The following SPG7 variants were observed in gnomAD, a reference collection of about 807,000 sequenced individuals.
The protein encoded by SPG7 is mitochondrial inner membrane m-AAA protease component paraplegin.
Under a neutral mutation model 81.9 loss-of-function variants are expected in SPG7, and 103 were observed. That is an observed-to-expected ratio of 1.26 (90% CI 1.07 to 1.48). SPG7 has a LOEUF of 1.48. SPG7 is among the 40% of genes most tolerant of loss of function. The probability of loss-of-function intolerance (pLI) is 0.00; values close to 1 mark genes in which losing one functional copy is unlikely to be tolerated. For synonymous variants in SPG7, 534 were observed against 444.2 expected, an observed-to-expected ratio of 1.20 and a Z score of -2.54; for missense variants, 1,241 against 1,087.3, an observed-to-expected ratio of 1.14 and a Z score of -1.99.
At chr16:89,554,350 C>A in intron 15 of SPG7, 136 bp from the exon 16 acceptor site, 2 of 718,392 alleles carry the variant, frequency 2.8e-6, no homozygotes, top group Non-Finnish European at 5.0e-6. Flanking sequence ...GGGCAGGAGA[C>A]CACCTGTCGG....
chr16:89,529,392 T>A, intron 5 of SPG7, 85 bp from the exon 6 acceptor site: 1 of 844,394 alleles, frequency 1.2e-6, no homozygotes, highest in Non-Finnish European at 2.0e-6. Flanking sequence ...CTTGGAAACA[T>A]TGCCAGCAGT....
intron 5 of SPG7, chr16:89,529,240 C>G (rs988390014): frequency 3.4e-6 from 2 of 580,958 alleles, no homozygotes; most frequent in East Asian, 2.9e-5. Context: ...CTGGCTAGAT[C>G]TCCGGCATCT....
Position 89,546,751 on chromosome 16 carries a change from G to C in SPG7, c.1543G>C (p.Gly515Arg), listed in dbSNP as rs972175989. Residue 515 changes from glycine to arginine, a missense_variant, in exon 11 of 17, where the codon GGA becomes CGA. Physicochemically the swap from Gly to Arg is moderately radical, Grantham distance 125 (BLOSUM62 -2). Transcript: ENST00000645818. ...YSQRLAELTP[G>R]FSGADIANIC... Reference sequence around the variant, plus strand: ...CCAGCGTCTGGCAGAGCTGACACCAGGATTCAGTGGTACGTTCTCAACCCG... The same window carrying C: ...CCAGCGTCTGGCAGAGCTGACACCACGATTCAGTGGTACGTTCTCAACCCG... The C allele has an allele frequency of 1.9e-6, 3 of 1,609,412 alleles. No homozygotes were observed. Among genetic ancestry groups the C allele is most frequent in the Non-Finnish European group, 2.6e-6 (3 of 1,175,742 alleles).
intron 2 of SPG7, among the ~76,000 whole-genome samples, chr16:89,511,930 G>C (rs924709968): frequency 1.3e-5 from 2 of 151,674 alleles, no homozygotes; most frequent in African/African-American, 2.4e-5. Flanking sequence ...TTATTTTTTT[G>C]AGACGGAGTC....
At chr16:89,534,888 C>G (rs1198807867) in intron 9 of SPG7, among the ~76,000 whole-genome samples, 1 of 152,218 alleles carries the variant, frequency 6.6e-6, no homozygotes, top group Non-Finnish European at 1.5e-5. Flanking sequence ...TGGTCTCTTC[C>G]CCTCCTGTGT....
chr16:89,529,717 C>T (rs984836348), intron 6 of SPG7, 138 bp downstream of exon 6: 6 of 725,574 alleles, frequency 8.3e-6, no homozygotes, highest in Admixed American at 2.0e-5. Context: ...GACAGCAGCT[C>T]ACCTTCCTTT....
chr16:89,532,844 G>C (rs544655046), intron 9 of SPG7: 1 of 608,134 alleles, frequency 1.6e-6, no homozygotes, highest in East Asian at 3.0e-5. Flanking sequence ...AGCACTTTGG[G>C]AGGCCAAGAC....
Position 89,557,603 on chromosome 16 carries a change from G to A in SPG7, c.*510G>A. The A allele has an allele frequency of 5.5e-6, 1 of 183,384 alleles. No individual in the cohort carries two copies. Among genetic ancestry groups the A allele is most frequent in the Non-Finnish European group, 1.2e-5 (1 of 85,334 alleles). The allele number at this position is 183,384 out of a possible 1,614,324, so 11.4% of individuals were successfully genotyped here. A position where few individuals can be genotyped will look rare whatever the true frequency, so the allele number is the denominator to read the frequency against. ...GGGGCCAGTCAGGCCCAGGCACTGG[G>A]CTCCGGAGGACTCACCACTGCCCCC... On this transcript the variant is annotated 3_prime_UTR_variant, in exon 17 of 17. Transcript: ENST00000645818.
intron 12 of SPG7, chr16:89,548,980 G>C (rs1450645672): frequency 2.2e-6 from 1 of 455,090 alleles, no homozygotes; most frequent in Non-Finnish European, 4.4e-6. Flanking sequence ...CCTCTTGCAG[G>C]TCCCCAGGGC....
At position 89,557,764 on chromosome 16, in the gene SPG7, C is replaced by G. The variant is rs892666592; in HGVS notation, c.*671C>G. On this transcript the variant is annotated 3_prime_UTR_variant, in exon 17 of 17. Transcript: ENST00000645818. ...CTAATAAACTGTGTAGTTGGAAAAT[C>G]TACATTTGCATTGTCTGGCCAGCTC... The G allele has an allele frequency of 6.5e-6, 1 of 153,278 alleles. No individual in the cohort carries two copies. The highest frequency in any genetic ancestry group is 2.4e-5 in the African/African-American group (1 of 41,462). The allele number at this position is 153,278 out of a possible 1,614,324, so 9.5% of individuals were successfully genotyped here. A position where few individuals can be genotyped will look rare whatever the true frequency, so the allele number is the denominator to read the frequency against.
chr16:89,520,434 T>A (rs1014130578), intron 3 of SPG7: 1 of 180,992 alleles, frequency 5.5e-6, no homozygotes, highest in African/African-American at 2.4e-5. Flanking sequence ...TCACTCTTCG[T>A]TGCCCAGGCA....
At position 89,510,059 on chromosome 16, in the gene SPG7, C is replaced by G. The variant is rs189261574; in HGVS notation, c.184-431C>G. ...GTGCTATCTCGGCTTACTGCAACCT[C>G]TGCCTCCCGGGTTCAAGCGATTCTC... On this transcript the variant is annotated intron_variant, in intron 1 of 16. Coordinates refer to ENST00000645818, the MANE Select transcript of SPG7 (RefSeq NM_003119.4). 3.5e-4 allele frequency among the ~76,000 whole-genome samples: 54 copies of G among 152,198 alleles called. No individual in the cohort carries two copies. In the East Asian group the frequency reaches 0.01, roughly 29 times the overall value.
intron 3 of SPG7, 135 bp from the exon 4 acceptor site, chr16:89,523,871 G>C: frequency 9.0e-7 from 1 of 1,113,596 alleles, no homozygotes; most frequent in South Asian, 1.3e-5. Flanking sequence ...GGGAAGAATT[G>C]GAGGAAGTGC....
chr16:89,526,512 G>A, intron 5 of SPG7, 44 bp downstream of exon 5: 1 of 1,612,474 alleles, frequency 6.2e-7, no homozygotes, highest in East Asian at 2.2e-5. Flanking sequence ...AACCTAACTT[G>A]GCTTTGTAAT....
intron 13 of SPG7, 117 bp downstream of exon 13, chr16:89,550,726 C>T (rs946956067): frequency 2.8e-6 from 2 of 719,878 alleles, no homozygotes; most frequent in Non-Finnish European, 2.5e-6. Context: ...CTGGGGAGTC[C>T]CGCCTGTGTC....
intron 7 of SPG7, chr16:89,531,177 C>T (rs549518861): frequency 2.7e-6 from 1 of 370,904 alleles, no homozygotes; most frequent in Non-Finnish European, 5.2e-6. Flanking sequence ...CCTCCGCGGG[C>T]CTGGTACGGT....
At chr16:89,537,475 G>C in intron 9 of SPG7, 1 of 1,006,284 alleles carries the variant, frequency 9.9e-7, no homozygotes, top group African/African-American at 1.7e-5. Context: ...GAAGCAAGAC[G>C]ACGGCCCCTG....
chr16:89,533,003 G>C (rs1352725500), intron 9 of SPG7: 1 of 292,768 alleles, frequency 3.4e-6, no homozygotes, highest in African/African-American at 2.3e-5. Context: ...TCGGGAGGTG[G>C]AGGTTGCAGT....
chr16:89,548,270 C>T, intron 12 of SPG7, 157 bp downstream of exon 12: 1 of 617,966 alleles, frequency 1.6e-6, no homozygotes, highest in African/African-American at 1.8e-5. Context: ...TTTATGATAC[C>T]TTGTACTTTT....
Sources: allele counts gnomAD v4.1 joint callset (sites outside exome capture counted in the v4.1 genomes callset), GRCh38; gene constraint gnomAD v4.1.1; transcripts MANE v1.5; gene names NCBI Gene and HGNC (gene_info 2026-07-23, HGNC 2026-07-21).